The following WWOX variants were observed in gnomAD, a reference collection of about 807,000 sequenced individuals.
WWOX encodes WW domain containing oxidoreductase.
Under a neutral mutation model 46.2 loss-of-function variants are expected in WWOX, and 69 were observed. The ratio of observed to expected loss-of-function variants is 1.49; its 90% CI spans 1.23 to 1.82. The LOEUF is 1.82. Ranked by LOEUF, WWOX falls within the 40% of genes most tolerant of loss-of-function variation. The pLI, the probability that WWOX is intolerant of heterozygous loss-of-function variation, is 0.00. For synonymous variants in WWOX, 359 were observed against 202.6 expected, an observed-to-expected ratio of 1.77 and a Z score of -6.56; for missense variants, 919 against 542.6, an observed-to-expected ratio of 1.69 and a Z score of -6.89.
intron 8 of WWOX, among the ~76,000 whole-genome samples, chr16:78,837,953 G>C (rs751278885): frequency 6.6e-6 from 1 of 152,174 alleles, no homozygotes; most frequent in Non-Finnish European, 1.5e-5. Context: ...AAGCTTGAAT[G>C]AGTAAATTTA....
At chr16:78,209,114 G>A (rs548004089) in intron 5 of WWOX, among the ~76,000 whole-genome samples, 191 of 152,264 alleles carry the variant, frequency 1.3e-3, no homozygotes, top group African/African-American at 4.4e-3. Context: ...TGAAAAATAA[G>A]AAATGCTGTT....
intron 8 of WWOX, among the ~76,000 whole-genome samples, chr16:78,783,478 G>A (rs187472623): frequency 6.6e-6 from 1 of 152,254 alleles, no homozygotes; most frequent in Admixed American, 6.5e-5. Context: ...TCTGCAAAGG[G>A]AAAGTAGCTC....
intron 8 of WWOX, among the ~76,000 whole-genome samples, chr16:78,841,657 G>A (rs369382575): frequency 2.6e-5 from 4 of 152,074 alleles, no homozygotes; most frequent in Non-Finnish European, 5.9e-5. Flanking sequence ...TATGTTTCTT[G>A]AATCCAAACC....
intron 8 of WWOX, among the ~76,000 whole-genome samples, chr16:78,576,335 A>G (rs995498673): frequency 3.3e-5 from 5 of 152,200 alleles, no homozygotes; most frequent in East Asian, 3.8e-4. Flanking sequence ...TTCAAAATTT[A>G]TACTTCATAA....
chr16:78,883,566 A>C (rs1422732859), intron 8 of WWOX, among the ~76,000 whole-genome samples: 1 of 152,060 alleles, frequency 6.6e-6, no homozygotes, highest in African/African-American at 2.4e-5. Flanking sequence ...TCTACTAAAA[A>C]TACAAAAATT....
intron 8 of WWOX, among the ~76,000 whole-genome samples, chr16:79,128,057 G>C (rs1260604543): frequency 1.3e-5 from 2 of 152,282 alleles, no homozygotes; most frequent in South Asian, 4.1e-4. Flanking sequence ...CAGGGGAGAT[G>C]CTGATGATTT....
At chr16:78,226,807 C>T (rs1376950639) in intron 5 of WWOX, among the ~76,000 whole-genome samples, 3 of 152,040 alleles carry the variant, frequency 2.0e-5, no homozygotes, top group East Asian at 1.9e-4. Context: ...AGTACGTTTC[C>T]CCCAGCCTTC....
At chr16:79,061,194 C>T (rs1044179000) in intron 8 of WWOX, among the ~76,000 whole-genome samples, 1 of 152,170 alleles carries the variant, frequency 6.6e-6, no homozygotes, top group African/African-American at 2.4e-5. Context: ...AACCCGAAAG[C>T]CTGACTTGAC....
chr16:79,098,320 GT>G (rs1441109837), intron 8 of WWOX, among the ~76,000 whole-genome samples: 1 of 152,218 alleles, frequency 6.6e-6, no homozygotes, highest in Non-Finnish European at 1.5e-5. Context: ...GAGACAGACA[GT>G]GGGGATTGAA....
intron 5 of WWOX, among the ~76,000 whole-genome samples, chr16:78,200,279 T>C (rs2036191347): frequency 6.6e-6 from 1 of 151,952 alleles, no homozygotes; most frequent in South Asian, 2.1e-4. Flanking sequence ...CACTGCTTAG[T>C]TGTCTGGGTT....
At chr16:78,258,394 A>G in intron 5 of WWOX, among the ~76,000 whole-genome samples, 1 of 152,182 alleles carries the variant, frequency 6.6e-6, no homozygotes, top group East Asian at 1.9e-4. Context: ...TTTGGTATTA[A>G]CATATTGCAT....
At chr16:78,268,484 T>C (rs1467806980) in intron 5 of WWOX, among the ~76,000 whole-genome samples, 2 of 152,168 alleles carry the variant, frequency 1.3e-5, no homozygotes. Context: ...TTGCTGTAGC[T>C]CTTACAATTA....
chr16:78,916,389 A>C (rs993021703), intron 8 of WWOX, among the ~76,000 whole-genome samples: 2 of 152,188 alleles, frequency 1.3e-5, no homozygotes, highest in Admixed American at 1.3e-4. Flanking sequence ...ATCCCCCAAA[A>C]GTCAAACATG....
At chr16:78,248,762 G>A (rs1452656627) in intron 5 of WWOX, among the ~76,000 whole-genome samples, 2 of 151,234 alleles carry the variant, frequency 1.3e-5, no homozygotes, top group East Asian at 1.9e-4. Flanking sequence ...AATTTGACAC[G>A]AAATTTGGTG....
At chr16:78,253,328 A>C (rs2038035418) in intron 5 of WWOX, among the ~76,000 whole-genome samples, 1 of 152,208 alleles carries the variant, frequency 6.6e-6, no homozygotes, top group Admixed American at 6.5e-5. Flanking sequence ...TCTAATACAT[A>C]TTAACTCTTA....
intron 5 of WWOX, among the ~76,000 whole-genome samples, chr16:78,188,311 A>T (rs1024561367): frequency 6.6e-6 from 1 of 151,976 alleles, no homozygotes; most frequent in Admixed American, 6.6e-5. Flanking sequence ...AACACGGTGA[A>T]ACCCCGTCTT....
intron 8 of WWOX, among the ~76,000 whole-genome samples, chr16:78,720,952 G>A (rs1457835665): frequency 3.3e-5 from 5 of 151,288 alleles, no homozygotes; most frequent in Admixed American, 6.6e-5. Flanking sequence ...CCATCATCAG[G>A]GGAGCCAAGT....
chr16:78,444,479 A>G (rs938844000), intron 8 of WWOX, among the ~76,000 whole-genome samples: 1 of 150,958 alleles, frequency 6.6e-6, no homozygotes, highest in African/African-American at 2.4e-5. Flanking sequence ...GAGAATGGAT[A>G]TTTTCATGTC....
intron 8 of WWOX, among the ~76,000 whole-genome samples, chr16:78,625,227 C>T (rs1299625576): frequency 6.6e-6 from 1 of 152,150 alleles, no homozygotes; most frequent in Non-Finnish European, 1.5e-5. Context: ...AGGCTGGGGT[C>T]ACCGGGGTCG....
Sources: allele counts gnomAD v4.1 joint callset (sites outside exome capture counted in the v4.1 genomes callset), GRCh38; gene constraint gnomAD v4.1.1; transcripts MANE v1.5; gene names NCBI Gene and HGNC (gene_info 2026-07-23, HGNC 2026-07-21).